Variants in PPP2R3C observed in about 807,000 individuals in gnomAD.
PPP2R3C encodes the protein serine/threonine-protein phosphatase 2A regulatory subunit B'' subunit gamma.
PPP2R3C carries 47 observed loss-of-function variants against 63.7 expected under a neutral mutation model. The ratio of observed to expected loss-of-function variants is 0.74; its 90% CI spans 0.58 to 0.94. The LOEUF (loss-of-function observed/expected upper bound fraction) is 0.94. Ranked by LOEUF, PPP2R3C falls within the 40% of genes least tolerant of loss-of-function variation. The probability of loss-of-function intolerance (pLI) is 0.00; values close to 1 mark genes in which losing one functional copy is unlikely to be tolerated. For missense variants in PPP2R3C, 421 were observed against 518.4 expected, an observed-to-expected ratio of 0.81 and a Z score of 1.82; for synonymous variants, 180 against 177.4, an observed-to-expected ratio of 1.01 and a Z score of -0.12.
At chr14:35,096,209 G>T (rs899786003) in intron 9 of PPP2R3C, among the ~76,000 whole-genome samples, 1 of 135,398 alleles carries the variant, frequency 7.4e-6, no homozygotes, top group African/African-American at 2.8e-5. Context: ...CAGGCATGGC[G>T]CCTGTAGACC....
chr14:35,100,055 A>G (rs922907413), intron 6 of PPP2R3C: 1 of 152,158 alleles, frequency 6.6e-6, no homozygotes, highest in Non-Finnish European at 1.5e-5. Context: ...CTTTTTACAC[A>G]AAGGATGTAT....
At chr14:35,087,065 A>G (rs747227853) in intron 12 of PPP2R3C, 1 of 152,160 alleles carries the variant, frequency 6.6e-6, no homozygotes, top group Admixed American at 6.6e-5. Context: ...TGTTGATGTC[A>G]ACATTTTGTT....
chr14:35,116,960 T>C, intron 1 of PPP2R3C: 1 of 416,474 alleles, frequency 2.4e-6, no homozygotes, highest in East Asian at 5.8e-5. Context: ...TTTCTCATGC[T>C]CCCTCTACTT....
chr14:35,105,063 C>CG (rs1275162942), intron 6 of PPP2R3C, among the ~76,000 whole-genome samples: 62 of 150,188 alleles, frequency 4.1e-4, no homozygotes, highest in East Asian at 7.9e-4. Context: ...AAAAAAAAAG[C>CG]GGGGGGGTGG....
chr14:35,091,163 T>C lies in PPP2R3C; in HGVS notation c.1020A>G (p.Arg340=). Residue 340 remains arginine (R), a synonymous_variant, in exon 11 of 13, where the codon AGA becomes AGG. Transcript: ENST00000261475. The part of the protein sequence containing the change: ...YLDFVLALEN[R]KEPAALQYIF... ...TATATTGTAGAGCTGCAGGTTCCTTTCTGTTTTCTAATGCAAGGACAAAGT... is the reference window on the plus strand; with the variant it reads ...TATATTGTAGAGCTGCAGGTTCCTTCCTGTTTTCTAATGCAAGGACAAAGT... 6.2e-7 allele frequency: 1 copy of C among 1,610,762 alleles called. No homozygotes were observed. Among genetic ancestry groups the C allele is most frequent in the Non-Finnish European group, 8.5e-7 (1 of 1,178,216 alleles).
intron 11 of PPP2R3C, among the ~76,000 whole-genome samples, chr14:35,089,691 A>T (rs1318352967): frequency 6.6e-6 from 1 of 151,402 alleles, no homozygotes; most frequent in Non-Finnish European, 1.5e-5. Flanking sequence ...TTTGAGACTC[A>T]GTCTCGCTCT....
rs552604039 is a variant in PPP2R3C at position 35,098,179 on chromosome 14, AT to A, written c.706+1072del. On this transcript the variant is annotated intron_variant, in intron 7 of 12. Transcript: ENST00000261475. The stretch of plus-strand genomic sequence containing the variant: ...ATGCTGTGATTGGATTCATAACTGG[AT>A]TTTTTTTTTTTTTTTTTGGACACAA... 2.5e-3 allele frequency among the ~76,000 whole-genome samples: 329 copies of A among 133,402 alleles called. 1 individual carries two copies. Among genetic ancestry groups the A allele is most frequent in the Admixed American group, 6.8e-3 (88 of 12,918 alleles). The allele number at this position is 133,402 out of a possible 152,430, so 87.5% of individuals were successfully genotyped here. A position where few individuals can be genotyped will look rare whatever the true frequency, so the allele number is the denominator to read the frequency against.
Position 35,095,130 on chromosome 14 carries a change from A to G in PPP2R3C, c.893T>C (p.Leu298Pro). ...CATGGTAGCTGTTCCATAGCGTGAG[A>G]GTTCTTCTTTACTGAGCATGCCATT... The part of the protein sequence containing the change: ...DHNGMLSKEE[L>P]SRYGTATMTN... Residue 298 changes from leucine to proline, a missense_variant, in exon 10 of 13, where the codon CTC becomes CCC. Transcript: ENST00000261475. The G allele has an allele frequency of 2.5e-6, 4 of 1,612,966 alleles. No homozygotes were observed. Among genetic ancestry groups the G allele is most frequent in the Non-Finnish European group, 3.4e-6 (4 of 1,178,926 alleles).
intron 10 of PPP2R3C, 141 bp from the exon 11 acceptor site, chr14:35,091,348 T>A: frequency 1.3e-6 from 1 of 771,836 alleles, no homozygotes; most frequent in Non-Finnish European, 1.9e-6. Context: ...GAAATCCATT[T>A]ATATACTTAA....
intron 2 of PPP2R3C, among the ~76,000 whole-genome samples, chr14:35,114,929 G>A (rs1364815409): frequency 6.6e-6 from 1 of 152,074 alleles, no homozygotes; most frequent in Admixed American, 6.5e-5. Context: ...GGGAGGCAGA[G>A]GTCGCAGTGA....
At position 35,087,992 on chromosome 14, in the gene PPP2R3C, T is replaced by C. The variant is rs45466591; in HGVS notation, c.1132A>G (p.Lys378Glu). 650 of 1,599,688 alleles carry C rather than the reference T, an allele frequency of 4.1e-4. 1 individual carries two copies. Among genetic ancestry groups the C allele is most frequent in the Non-Finnish European group, 5.4e-4 (629 of 1,166,996 alleles). Residue 378 changes from lysine (K) to glutamate (E), a missense_variant, in exon 12 of 13, where the codon AAA becomes GAA. Around this residue, in one of 3 missense-constraint regions of PPP2R3C, gnomAD observed 231 missense variants for 264.8 expected, o/e 0.87. Transcript: ENST00000261475. ...GAAACAGGATCTTGTCCATGGATTT[T>C]CATTAGTTCCTGTATGGCCTGTATT... ...YFFRAIQELM[K>E]IHGQDPVSFQ...
chr14:35,110,786 A>C, intron 2 of PPP2R3C, 157 bp from the exon 3 acceptor site: 1 of 567,306 alleles, frequency 1.8e-6, no homozygotes, highest in Non-Finnish European at 3.1e-6. Context: ...AAACTGATCC[A>C]CAGAGAATCG....
At chr14:35,113,327 A>G (rs1424311049) in intron 2 of PPP2R3C, among the ~76,000 whole-genome samples, 2 of 152,176 alleles carry the variant, frequency 1.3e-5, no homozygotes, top group African/African-American at 2.4e-5. Flanking sequence ...AAGGGAAAGG[A>G]CTTTTTTACA....
chr14:35,107,310 C>T lies in PPP2R3C; in HGVS notation c.567G>A (p.Arg189=), dbSNP rs756001899. 4 of 1,598,988 alleles carry T rather than the reference C, an allele frequency of 2.5e-6. No individual in the cohort carries two copies. Residue 189 remains arginine, a synonymous_variant, in exon 6 of 13, where the codon CGG becomes CGA. Transcript: ENST00000261475. ...CTATAAGGTTAACACTTACAGATTCCCGAAGGTACCCCTGCCCAGCGACAT... is the reference window on the plus strand; with the variant it reads ...CTATAAGGTTAACACTTACAGATTCTCGAAGGTACCCCTGCCCAGCGACAT... ...LYDVAGQGYL[R]ESDLENYILE...
chr14:35,090,351 C>T (rs1017967022), intron 11 of PPP2R3C, among the ~76,000 whole-genome samples: 2 of 149,524 alleles, frequency 1.3e-5, no homozygotes, highest in Non-Finnish European at 3.0e-5. Flanking sequence ...AAGTGATTCT[C>T]CTGCCTCAGC....
chr14:35,106,897 C>T (rs1336726516), intron 6 of PPP2R3C, among the ~76,000 whole-genome samples: 1 of 151,916 alleles, frequency 6.6e-6, no homozygotes, highest in Non-Finnish European at 1.5e-5. Flanking sequence ...AAACTCCCGA[C>T]CTCAGGTGAT....
Position 35,108,131 on chromosome 14 carries a change from T to G in PPP2R3C, c.502+8A>C, listed in dbSNP as rs777944739. 2 of 1,607,402 alleles carry G rather than the reference T, an allele frequency of 1.2e-6. No homozygotes were observed. The highest frequency in any genetic ancestry group is 1.1e-5 in the South Asian group (1 of 88,972). On this transcript the variant is annotated splice_region_variant and intron_variant, in intron 5 of 12. Transcript: ENST00000261475. Reference sequence around the variant, plus strand: ...ATAAGGAGTTCAAGCACAGTAAAAATGAATCACCTTTTCTCATGACATAAT... The same window carrying G: ...ATAAGGAGTTCAAGCACAGTAAAAAGGAATCACCTTTTCTCATGACATAAT...
At chr14:35,111,235 C>CAAAA (rs3058398) in intron 2 of PPP2R3C, among the ~76,000 whole-genome samples, 109 of 89,622 alleles carry the variant, frequency 1.2e-3, no homozygotes, top group Non-Finnish European at 1.6e-3. Flanking sequence ...CTCCATCTAC[C>CAAAA]AAAAAAAAAA....
intron 2 of PPP2R3C, among the ~76,000 whole-genome samples, chr14:35,115,153 T>C (rs1404451494): frequency 6.6e-6 from 1 of 151,408 alleles, no homozygotes; most frequent in Middle Eastern, 3.2e-3. Flanking sequence ...AACGGCTTTT[T>C]TTTTTTTCTT....
Sources: allele counts gnomAD v4.1 joint callset (sites outside exome capture counted in the v4.1 genomes callset), GRCh38; gene constraint gnomAD v4.1.1; regional missense constraint gnomAD v4.1.1; transcripts MANE v1.5; gene names NCBI Gene and HGNC (gene_info 2026-07-23, HGNC 2026-07-21).